The following BMP5 variants were observed in gnomAD, a reference collection of about 807,000 sequenced individuals.
BMP5 encodes the protein bone morphogenetic protein 5.
BMP5 carries 23 observed loss-of-function variants against 46.6 expected under a neutral mutation model. That is an observed-to-expected ratio of 0.49 (90% CI 0.35 to 0.70). BMP5 has a LOEUF of 0.70. Among genes scored for constraint, BMP5 ranks in the 30% least tolerant of loss-of-function variants. The pLI is 0.00. For synonymous variants in BMP5, 204 were observed against 191.9 expected, an observed-to-expected ratio of 1.06 and a Z score of -0.52; for missense variants, 545 against 565.6, an observed-to-expected ratio of 0.96 and a Z score of 0.37.
intron 3 of BMP5, among the ~76,000 whole-genome samples, chr6:55,778,558 AAAAC>A (rs559179589): frequency 9.9e-5 from 15 of 152,194 alleles, no homozygotes; most frequent in South Asian, 4.1e-4. Context: ...AACAAAACAA[AAAAC>A]AAACAAAAAT....
At chr6:55,834,193 T>A (rs960291996) in intron 1 of BMP5, among the ~76,000 whole-genome samples, 2 of 152,128 alleles carry the variant, frequency 1.3e-5, no homozygotes, top group African/African-American at 4.8e-5. Context: ...ATTGAGCATT[T>A]TTTCATCTGT....
intron 4 of BMP5, chr6:55,772,820 C>A (rs1199317998): frequency 6.1e-6 from 6 of 984,952 alleles, no homozygotes; most frequent in African/African-American, 5.2e-5. Context: ...CTGTTGCTTG[C>A]CACACAAATA....
intron 1 of BMP5, among the ~76,000 whole-genome samples, chr6:55,874,030 TGTAA>T (rs959447077): frequency 2.9e-4 from 44 of 152,188 alleles, no homozygotes; most frequent in Middle Eastern, 3.4e-3. Context: ...CTTTCCCATC[TGTAA>T]GTGCTTCTTT....
rs993679200 is a variant in BMP5 at position 55,754,150 on chromosome 6, C to T, written c.*1383G>A. 1 of 151,856 alleles carries T rather than the reference C, an allele frequency of 6.6e-6. No individual in the cohort carries two copies. Among genetic ancestry groups the T allele is most frequent in the African/African-American group, 2.4e-5 (1 of 41,392 alleles). 9.4% of individuals were successfully genotyped at this position (151,856 alleles called of 1,614,324 possible). On this transcript the variant is annotated 3_prime_UTR_variant, in exon 7 of 7. Coordinates refer to ENST00000370830, the MANE Select transcript of BMP5 (RefSeq NM_021073.4). Reference sequence around the variant, plus strand: ...ATTAATAAATGGTGCTTTATGAATACTTTAGATTAACGGTAAATAAGCCTA... The same window carrying T: ...ATTAATAAATGGTGCTTTATGAATATTTTAGATTAACGGTAAATAAGCCTA...
At chr6:55,833,057 A>G (rs1776703617) in intron 1 of BMP5, among the ~76,000 whole-genome samples, 1 of 152,174 alleles carries the variant, frequency 6.6e-6, no homozygotes, top group South Asian at 2.1e-4. Flanking sequence ...TCAAGGTTAA[A>G]GTGAGCTATG....
Position 55,874,578 on chromosome 6 carries a change from C to A in BMP5, c.288G>T (p.Glu96Asp), listed in dbSNP as rs776771102. 4 of 1,613,518 alleles carry A rather than the reference C, an allele frequency of 2.5e-6. No homozygotes were observed. Among genetic ancestry groups the A allele is most frequent in the Middle Eastern group, 1.7e-4 (1 of 6,056 alleles). The change falls in exon 1 of 7, where the codon GAG becomes GAT. Residue 96 changes from glutamate to aspartate, a missense_variant. Glu to Asp is a conservative substitution (Grantham distance 45). Transcript: ENST00000370830. ...AGGATGCCCTTACTGAGTACTCCGA[C>A]TCTTCAGGATTTTCTTCATTGGTCA... ...NAMTNEENPEESEYSVRASLA... is the reference protein window; with the variant it reads ...NAMTNEENPEDSEYSVRASLA...
chr6:55,875,106 T>A lies in BMP5; in HGVS notation c.-241A>T, dbSNP rs1031276558. The A allele has an allele frequency of 1.1e-5, 5 of 457,836 alleles. No homozygotes were observed. Among genetic ancestry groups the A allele is most frequent in the Non-Finnish European group, 1.6e-5 (4 of 255,066 alleles). 28.4% of individuals were successfully genotyped at this position (457,836 alleles called of 1,614,324 possible). ...AAGCTGAAACTCAGATTTCCAATTA[T>A]CCACAGTTGTTAAGAGTTTTTGCTG... On this transcript the variant is annotated 5_prime_UTR_variant, in exon 1 of 7. Transcript: ENST00000370830.
At chr6:55,776,454 A>G (rs1197627779) in intron 3 of BMP5, among the ~76,000 whole-genome samples, 1 of 151,642 alleles carries the variant, frequency 6.6e-6, no homozygotes, top group African/African-American at 2.4e-5. Flanking sequence ...AGCAAAAGAA[A>G]AAAAAAAGAA....
intron 3 of BMP5, among the ~76,000 whole-genome samples, chr6:55,786,294 T>C (rs987053667): frequency 6.6e-6 from 1 of 151,744 alleles, no homozygotes; most frequent in Admixed American, 6.6e-5. Context: ...AAGATTACAA[T>C]TGGCGTACCA....
intron 1 of BMP5, among the ~76,000 whole-genome samples, chr6:55,820,555 C>CT (rs1248752347): frequency 2.6e-5 from 4 of 151,966 alleles, no homozygotes; most frequent in African/African-American, 9.7e-5. Context: ...GTAGCTAGGA[C>CT]TACAGGCATG....
intron 3 of BMP5, among the ~76,000 whole-genome samples, chr6:55,781,475 T>G (rs1562034959): frequency 6.6e-6 from 1 of 152,144 alleles, no homozygotes; most frequent in Non-Finnish European, 1.5e-5. Flanking sequence ...TTAGTTTGTT[T>G]CACAGCAGTG....
intron 1 of BMP5, among the ~76,000 whole-genome samples, chr6:55,870,595 C>A (rs1777762609): frequency 6.6e-6 from 1 of 152,020 alleles, no homozygotes; most frequent in African/African-American, 2.4e-5. Context: ...GTTGGAGAGA[C>A]TACATAGATA....
Position 55,774,833 on chromosome 6 carries a change from C to G in BMP5, c.833-590G>C, listed in dbSNP as rs186395181. ...TCTGGGGATGGAGGTCTGCTTTAAG[C>G]CGCAGTTATTAAAAGTAGTGGCAAA... On this transcript the variant is annotated intron_variant, in intron 3 of 6. Coordinates refer to ENST00000370830, the MANE Select transcript of BMP5 (RefSeq NM_021073.4). Among the ~76,000 whole-genome samples the G allele has an allele frequency of 2.0e-3, 307 of 152,056 alleles. 3 individuals are homozygous for G. The highest frequency in any genetic ancestry group is 7.1e-3 in the African/African-American group (293 of 41,516).
rs1777865239 is a variant in BMP5 at position 55,874,679 on chromosome 6, G to A, written c.187C>T (p.His63Tyr). ...REILSILGLP[H>Y]RPRPFSPGKQ... Reference sequence around the variant, plus strand: ...CCAGGTGAAAATGGTCTGGGTCTGTGAGGCAAACCCAAGATAGAGAGAATT... The same window carrying A: ...CCAGGTGAAAATGGTCTGGGTCTGTAAGGCAAACCCAAGATAGAGAGAATT... Residue 63 changes from histidine to tyrosine, a missense_variant, in exon 1 of 7, where the codon CAC becomes TAC. Coordinates refer to ENST00000370830, the MANE Select transcript of BMP5 (RefSeq NM_021073.4). 1 of 1,613,472 alleles carries A rather than the reference G, an allele frequency of 6.2e-7. No homozygotes were observed. The highest frequency in any genetic ancestry group is 1.3e-5 in the African/African-American group (1 of 74,832).
At chr6:55,797,848 C>T (rs923442922) in intron 2 of BMP5, among the ~76,000 whole-genome samples, 1 of 152,066 alleles carries the variant, frequency 6.6e-6, no homozygotes, top group Non-Finnish European at 1.5e-5. Context: ...GATCTCCTGA[C>T]CTCGTCATCC....
chr6:55,831,617 G>A (rs1315424304), intron 1 of BMP5, among the ~76,000 whole-genome samples: 1 of 150,348 alleles, frequency 6.7e-6, no homozygotes, highest in Non-Finnish European at 1.5e-5. Flanking sequence ...ATTAGAAGTG[G>A]AAAATTAGAA....
At chr6:55,840,482 G>A (rs1776921790) in intron 1 of BMP5, among the ~76,000 whole-genome samples, 1 of 151,988 alleles carries the variant, frequency 6.6e-6, no homozygotes, top group Non-Finnish European at 1.5e-5. Context: ...CCAATATAAT[G>A]TTAACTGTAA....
chr6:55,764,568 T>G (rs1774873207), intron 4 of BMP5, among the ~76,000 whole-genome samples: 1 of 97,956 alleles, frequency 1.0e-5, no homozygotes, highest in African/African-American at 4.6e-5. Context: ...CAAGACTCTG[T>G]CTCAAAAAAA....
intron 1 of BMP5, among the ~76,000 whole-genome samples, chr6:55,820,929 G>A (rs187164982): frequency 3.0e-4 from 46 of 152,170 alleles, no homozygotes; most frequent in African/African-American, 1.1e-3. Flanking sequence ...GAAGAATTTA[G>A]GACAGTAAGT....
Sources: allele counts gnomAD v4.1 joint callset (sites outside exome capture counted in the v4.1 genomes callset), GRCh38; gene constraint gnomAD v4.1.1; transcripts MANE v1.5; gene names NCBI Gene and HGNC (gene_info 2026-07-23, HGNC 2026-07-21).